The following PHF3 variants were observed in gnomAD, a reference collection of about 807,000 sequenced individuals.
The protein encoded by PHF3 is PHD finger protein 3.
A neutral mutation model predicts 178.4 loss-of-function variants in PHF3; 41 were observed. The ratio of observed to expected loss-of-function variants is 0.23; its 90% CI spans 0.18 to 0.30. The LOEUF is 0.30. Ranked by LOEUF, PHF3 falls within the 10% of genes least tolerant of loss-of-function variation. The pLI is 1.00. For missense variants in PHF3, 2,346 were observed against 2,398.1 expected (o/e 0.98, Z 0.45); for synonymous variants, 842 against 800.5 (o/e 1.05, Z -0.88).
intron 6 of PHF3, among the ~76,000 whole-genome samples, chr6:63,697,384 A>G (rs1339198026): frequency 6.6e-6 from 1 of 152,230 alleles, no homozygotes; most frequent in African/African-American, 2.4e-5. Context: ...AAAGTATGAA[A>G]TAGATATCTT....
chr6:63,709,441 C>T (rs1767832140), intron 14 of PHF3, among the ~76,000 whole-genome samples: 1 of 151,452 alleles, frequency 6.6e-6, no homozygotes, highest in Non-Finnish European at 1.5e-5. Context: ...TTTTCCTCTC[C>T]TGGGATGCTC....
At position 63,720,989 on chromosome 6, in the gene PHF3, A is replaced by G; in HGVS notation, c.*7281A>G. The G allele has an allele frequency of 6.4e-7, 1 of 1,551,374 alleles. No homozygotes were observed. Among genetic ancestry groups the G allele is most frequent in the Non-Finnish European group, 8.7e-7 (1 of 1,146,798 alleles). On this transcript the variant is annotated 3_prime_UTR_variant, in exon 16 of 16. Coordinates refer to ENST00000262043, the MANE Select transcript of PHF3 (RefSeq NM_001370348.2). ...TAACTGCTATTTTCAAGGTCTGATT[A>G]TGGAGACCAATTGCCAGAAAATCAT...
intron 2 of PHF3, among the ~76,000 whole-genome samples, chr6:63,673,882 T>G (rs990670571): frequency 2.6e-5 from 4 of 152,196 alleles, no homozygotes; most frequent in African/African-American, 7.2e-5. Context: ...GTATTTCACC[T>G]TATCTGTCTT....
rs2149625896 is a variant in PHF3, at chr6:63,721,910, G to T, written c.*8202G>T. 1 of 909,602 alleles carries T rather than the reference G, an allele frequency of 1.1e-6. No individual in the cohort carries two copies. The highest frequency in any genetic ancestry group is 1.6e-6 in the Non-Finnish European group (1 of 613,542). The allele number at this position is 909,602 out of a possible 1,614,324, so 56.3% of individuals were successfully genotyped here. A position where few individuals can be genotyped will look rare whatever the true frequency, so the allele number is the denominator to read the frequency against. On this transcript the variant is annotated 3_prime_UTR_variant, in exon 16 of 16. Coordinates refer to ENST00000262043, the MANE Select transcript of PHF3 (RefSeq NM_001370348.2). ...TTTAGTTATGGGGAAAAAAGTAACA[G>T]ATCTTGAGCACAATTGTGTTAGTTT...
intron 4 of PHF3, 115 bp downstream of exon 4, chr6:63,686,026 G>A (rs1418375041): frequency 1.5e-6 from 1 of 672,820 alleles, no homozygotes. Context: ...AGAGACCTGT[G>A]CAAAAACAAA....
chr6:63,676,872 G>T (rs1178500754), intron 2 of PHF3, among the ~76,000 whole-genome samples: 2 of 152,190 alleles, frequency 1.3e-5, no homozygotes, highest in Non-Finnish European at 2.9e-5. Context: ...TTAGATGAGA[G>T]ATGTGATTTG....
intron 4 of PHF3, 87 bp from the exon 5 acceptor site, chr6:63,691,650 T>TA (rs1359135729): frequency 1.6e-5 from 18 of 1,110,096 alleles, no homozygotes; most frequent in Non-Finnish European, 2.2e-5. Flanking sequence ...GAAAATCAGA[T>TA]ATTGAAAATT....
At chr6:63,664,178 C>T (rs1359019309) in intron 2 of PHF3, among the ~76,000 whole-genome samples, 1 of 152,178 alleles carries the variant, frequency 6.6e-6, no homozygotes, top group Non-Finnish European at 1.5e-5. Context: ...TTTCCTAGTT[C>T]ATTGGTCATC....
chr6:63,711,974 A>G lies in PHF3; in HGVS notation c.4386A>G (p.Lys1462=). Residue 1462 remains lysine (K), a synonymous_variant, in exon 16 of 16, where the codon AAA becomes AAG. Coordinates refer to ENST00000262043, the MANE Select transcript of PHF3 (RefSeq NM_001370348.2). ...NQPTTLELAN[K]PLPVDDILQS... ...CTACTACTCTGGAATTAGCAAATAA[A>G]CCTCTTCCTGTGGATGATATACTTC... 2 of 1,613,502 alleles carry G rather than the reference A, an allele frequency of 1.2e-6. No homozygotes were observed. Among genetic ancestry groups the G allele is most frequent in the Admixed American group, 3.3e-5 (2 of 59,940 alleles).
At chr6:63,668,635 C>T (rs767034170) in intron 2 of PHF3, among the ~76,000 whole-genome samples, 5 of 152,084 alleles carry the variant, frequency 3.3e-5, no homozygotes, top group Admixed American at 6.6e-5. Flanking sequence ...CCACTGCACC[C>T]GGCCCTCTTT....
intron 11 of PHF3, among the ~76,000 whole-genome samples, chr6:63,704,758 A>G (rs1463505062): frequency 1.3e-5 from 2 of 152,178 alleles, no homozygotes; most frequent in Non-Finnish European, 2.9e-5. Context: ...GGTAAATACC[A>G]TGGAGCACAA....
chr6:63,658,091 A>C (rs1765312597), intron 2 of PHF3, among the ~76,000 whole-genome samples: 3 of 152,006 alleles, frequency 2.0e-5, no homozygotes, highest in Non-Finnish European at 4.4e-5. Flanking sequence ...AGGGGAAGAG[A>C]TGAGGTTGAC....
chr6:63,698,331 G>A lies in PHF3; in HGVS notation c.2789G>A (p.Ser930Asn). Residue 930 changes from serine to asparagine, a missense_variant, in exon 7 of 16, where the codon AGT becomes AAT. Physicochemically the swap from Ser to Asn is conservative, Grantham distance 46 (BLOSUM62 1). This residue lies in a region of PHF3 where 252 missense variants were observed against 232.0 expected (regional missense o/e 1.09). Coordinates refer to ENST00000262043, the MANE Select transcript of PHF3 (RefSeq NM_001370348.2). The part of the protein sequence containing the change: ...SKPSADQIRQ[S>N]VRHSLKDILM... ...CCTTCTGCAGATCAGATCAGGCAAA[G>A]TGTCAGACATTCTCTCAAAGACATT... The A allele has an allele frequency of 6.2e-7, 1 of 1,612,392 alleles. No homozygotes were observed. The highest frequency in any genetic ancestry group is 1.1e-5 in the South Asian group (1 of 90,684).
intron 2 of PHF3, among the ~76,000 whole-genome samples, chr6:63,665,879 A>G (rs1765661586): frequency 1.3e-5 from 2 of 152,212 alleles, no homozygotes; most frequent in Non-Finnish European, 2.9e-5. Context: ...GTAACAATGC[A>G]AAGTGCTGAA....
chr6:63,665,185 G>A (rs1395517950), intron 2 of PHF3, among the ~76,000 whole-genome samples: 1 of 151,966 alleles, frequency 6.6e-6, no homozygotes, highest in Non-Finnish European at 1.5e-5. Flanking sequence ...TCTTTTTAAA[G>A]TAAGAAAAAG....
intron 13 of PHF3, among the ~76,000 whole-genome samples, chr6:63,707,793 C>T (rs570143852): frequency 6.6e-6 from 1 of 150,784 alleles, no homozygotes; most frequent in East Asian, 2.0e-4. Context: ...TAGTTTAATT[C>T]AATGTAATAC....
At position 63,704,994 on chromosome 6, in the gene PHF3, C is replaced by G. The variant is rs138913622; in HGVS notation, c.3368-1035C>G. Among the ~76,000 whole-genome samples the G allele has an allele frequency of 1.4e-3, 207 of 152,268 alleles. 2 individuals carry two copies. The highest frequency in any genetic ancestry group is 4.4e-3 in the African/African-American group (181 of 41,550). ...CTAATAGGTGTATAGTGGTATCTCT[C>G]TGTTGTTTTACTTTGCATTTTCCTG... On this transcript the variant is annotated intron_variant, in intron 11 of 15. Transcript: ENST00000262043.
At chr6:63,691,300 T>C (rs1766987905) in intron 4 of PHF3, among the ~76,000 whole-genome samples, 1 of 152,200 alleles carries the variant, frequency 6.6e-6, no homozygotes, top group South Asian at 2.1e-4. Context: ...CCCAATTTTA[T>C]ATGTGATGTC....
intron 14 of PHF3, 55 bp from the exon 15 acceptor site, chr6:63,711,112 C>T: frequency 7.9e-7 from 1 of 1,259,850 alleles, no homozygotes; most frequent in Non-Finnish European, 1.1e-6. Flanking sequence ...GTTTTAAAAC[C>T]AAGCTACTCT....
Sources: allele counts gnomAD v4.1 joint callset (sites outside exome capture counted in the v4.1 genomes callset), GRCh38; gene constraint gnomAD v4.1.1; regional missense constraint gnomAD v4.1.1; transcripts MANE v1.5; gene names NCBI Gene and HGNC (gene_info 2026-07-23, HGNC 2026-07-21).